The following PRRC2B variants were observed in gnomAD, a reference collection of about 807,000 sequenced individuals.
PRRC2B encodes the protein proline rich coiled-coil 2B.
PRRC2B carries 68 observed loss-of-function variants against 242.3 expected under a neutral mutation model. That is an observed-to-expected ratio of 0.28 (90% CI 0.23 to 0.34). PRRC2B has a LOEUF of 0.34. Ranked by LOEUF, PRRC2B falls within the 10% of genes least tolerant of loss-of-function variation. The pLI, the probability that PRRC2B is intolerant of heterozygous loss-of-function variation, is 1.00. For synonymous variants in PRRC2B, 1,228 were observed against 1,173.6 expected (o/e 1.05, Z -0.95); for missense variants, 2,835 against 2,954.8 (o/e 0.96, Z 0.94).
intron 19 of PRRC2B, 112 bp from the exon 20 acceptor site, chr9:131,481,614 G>C: frequency 1.2e-6 from 1 of 837,170 alleles, no homozygotes; most frequent in Non-Finnish European, 2.0e-6. Context: ...TGCAGGGGAG[G>C]CAGGGGAGTT....
At chr9:131,478,418 GTTC>G in intron 17 of PRRC2B, 53 bp from the exon 18 acceptor site, 1 of 1,568,056 alleles carries the variant, frequency 6.4e-7, no homozygotes, top group African/African-American at 1.4e-5. Flanking sequence ...GAATTGGGTT[GTTC>G]TTGTCTCCTG....
intron 16 of PRRC2B, among the ~76,000 whole-genome samples, chr9:131,477,478 C>T (rs141177705): frequency 1.3e-5 from 2 of 152,184 alleles, no homozygotes; most frequent in South Asian, 2.1e-4. Context: ...CTCTCTCCCC[C>T]CTACACTCTG....
intron 17 of PRRC2B, 31 bp from the exon 18 acceptor site, chr9:131,478,443 G>A (rs755045518): frequency 1.2e-6 from 2 of 1,609,454 alleles, no homozygotes; most frequent in East Asian, 2.2e-5. Flanking sequence ...TGAGTGGAAA[G>A]ACTGTTCCTT....
intron 1 of PRRC2B, among the ~76,000 whole-genome samples, chr9:131,401,165 T>A (rs971814393): frequency 2.6e-5 from 4 of 152,088 alleles, no homozygotes; most frequent in African/African-American, 9.7e-5. Context: ...TTTCTTTATT[T>A]GAATTTTAAA....
At chr9:131,396,267 C>T (rs1277834015) in intron 1 of PRRC2B, among the ~76,000 whole-genome samples, 1 of 151,026 alleles carries the variant, frequency 6.6e-6, no homozygotes, top group East Asian at 1.9e-4. Flanking sequence ...TTCCTCTCTC[C>T]CTCCCTCCCT....
chr9:131,374,498 A>G (rs1354994590), intron 1 of PRRC2B, among the ~76,000 whole-genome samples: 1 of 152,130 alleles, frequency 6.6e-6, no homozygotes, highest in Non-Finnish European at 1.5e-5. Context: ...TGTATAATGC[A>G]TATTGTAAAG....
At chr9:131,486,667 C>T (rs1202522584) in intron 26 of PRRC2B, 7 of 415,906 alleles carry the variant, frequency 1.7e-5, no homozygotes, top group Middle Eastern at 1.2e-3. Context: ...ATGGTCTAGC[C>T]GCCCCTCAGA....
chr9:131,426,367 GA>G lies in PRRC2B; in HGVS notation c.-51-3720del, dbSNP rs1236522899. Among the ~76,000 whole-genome samples, 36 of 139,688 alleles carry G rather than the reference GA, an allele frequency of 2.6e-4. No homozygotes were observed. In the South Asian group the frequency reaches 7.4e-3, roughly 29 times the overall value. The allele number at this position is 139,688 out of a possible 152,430, so 91.6% of individuals were successfully genotyped here. A position where few individuals can be genotyped will look rare whatever the true frequency, so the allele number is the denominator to read the frequency against. On this transcript the variant is annotated intron_variant, in intron 1 of 31. Coordinates refer to ENST00000683519, the MANE Select transcript of PRRC2B (RefSeq NM_013318.4). The stretch of plus-strand genomic sequence containing the variant: ...AAAAAAAAAAAAAAAAAAAGAAAAA[GA>G]AAAAAAGAAGAAGAAGAAAGGAAAA...
At position 131,432,728 on chromosome 9, in the gene PRRC2B, A is replaced by G. The variant is rs779196653; in HGVS notation, c.227A>G (p.Asn76Ser). 9 of 1,613,940 alleles carry G rather than the reference A, an allele frequency of 5.6e-6. No individual in the cohort carries two copies. The highest frequency in any genetic ancestry group is 5.3e-5 in the African/African-American group (4 of 74,940). Residue 76 changes from asparagine to serine, a missense_variant, in exon 3 of 32, where the codon AAC becomes AGC. By Grantham distance (46) the Asn-to-Ser change is conservative (BLOSUM62 1). Coordinates refer to ENST00000683519, the MANE Select transcript of PRRC2B (RefSeq NM_013318.4). ...LKSENKGNDP[N>S]IVIVPKDGTG... The stretch of plus-strand genomic sequence containing the variant: ...TCTGAAAACAAAGGAAACGACCCCA[A>G]CATCGTGATAGTACCCAAGGACGGG...
chr9:131,403,063 T>C (rs1837267700), intron 1 of PRRC2B, among the ~76,000 whole-genome samples: 1 of 152,200 alleles, frequency 6.6e-6, no homozygotes, highest in Admixed American at 6.5e-5. Context: ...ATGGGTCCTT[T>C]GTGTCTTGCA....
Position 131,470,835 on chromosome 9 carries a change from G to T in PRRC2B, c.1959G>T (p.Pro653=). The change falls in exon 14 of 32, where the codon CCG becomes CCT. Residue 653 remains proline (P), a synonymous_variant. Coordinates refer to ENST00000683519, the MANE Select transcript of PRRC2B (RefSeq NM_013318.4). ...MQHWQPVYPP[P]SHPQRTFYPH... ...ACTGGCAGCCGGTGTACCCCCCGCC[G>T]TCCCACCCCCAGCGCACCTTTTACC... 6.5e-7 allele frequency: 1 copy of T among 1,545,900 alleles called. No individual in the cohort carries two copies. The highest frequency in any genetic ancestry group is 2.4e-5 in the East Asian group (1 of 41,052).
intron 1 of PRRC2B, among the ~76,000 whole-genome samples, chr9:131,415,033 C>T (rs1212941990): frequency 6.6e-6 from 1 of 152,142 alleles, no homozygotes; most frequent in Non-Finnish European, 1.5e-5. Context: ...CACTCTGTTG[C>T]CCACGCCGGA....
chr9:131,420,228 A>G (rs779535760), intron 1 of PRRC2B, among the ~76,000 whole-genome samples: 2 of 151,916 alleles, frequency 1.3e-5, no homozygotes, highest in Non-Finnish European at 2.9e-5. Context: ...TGGTTTCCTC[A>G]AACCTTATTT....
At chr9:131,492,863 C>A (rs754566414) in intron 30 of PRRC2B, among the ~76,000 whole-genome samples, 1 of 152,172 alleles carries the variant, frequency 6.6e-6, no homozygotes, top group Non-Finnish European at 1.5e-5. Context: ...CTTTTCTGCC[C>A]GTGCTGGTGT....
At chr9:131,478,396 C>A in intron 17 of PRRC2B, 78 bp from the exon 18 acceptor site, 1 of 1,392,934 alleles carries the variant, frequency 7.2e-7, no homozygotes, top group Non-Finnish European at 1.0e-6. Context: ...TGCTAGATCT[C>A]AGGCGCCTGT....
At chr9:131,486,486 C>T (rs1944029105) in intron 26 of PRRC2B, 2 of 985,214 alleles carry the variant, frequency 2.0e-6, no homozygotes, top group African/African-American at 1.7e-5. Flanking sequence ...ATCAGGTATC[C>T]TTCTGATGAA....
At chr9:131,392,537 A>C (rs879244597), upstream of PRRC2B, among the ~76,000 whole-genome samples, 8 of 152,218 alleles carry the variant, frequency 5.3e-5, no homozygotes, top group Admixed American at 5.2e-4. Flanking sequence ...TCAAGGAACA[A>C]AATCGAAAAC....
In PRRC2B at chr9:131,474,762, A is replaced by G; in HGVS notation, c.2633A>G (p.Glu878Gly). ...AGTTGGGATGTTAGCCACCAGCCAG[A>G]GACCGCTGACACAGCCCATGGTGTT... ...CGSWDVSHQP[E>G]TADTAHGVER... The change falls in exon 16 of 32, where the codon GAG becomes GGG. Residue 878 changes from glutamate to glycine, a missense_variant. By Grantham distance (98) the Glu-to-Gly change is moderately conservative. This residue lies in a region of PRRC2B where 1,536 missense variants were observed against 1,483.1 expected (regional missense o/e 1.04). Coordinates refer to ENST00000683519, the MANE Select transcript of PRRC2B (RefSeq NM_013318.4). 6.2e-7 allele frequency: 1 copy of G among 1,612,820 alleles called. No individual in the cohort carries two copies. The highest frequency in any genetic ancestry group is 8.5e-7 in the Non-Finnish European group (1 of 1,179,674).
chr9:131,431,355 C>T (rs1461444176), intron 2 of PRRC2B, among the ~76,000 whole-genome samples: 2 of 151,808 alleles, frequency 1.3e-5, no homozygotes, highest in African/African-American at 4.8e-5. Flanking sequence ...CGGTCTTGAT[C>T]TCCTGACCTC....
Sources: gnomAD v4.1 joint callset for allele counts (sites outside exome capture counted in the v4.1 genomes callset) on GRCh38, gnomAD v4.1.1 for gene constraint, gnomAD v4.1.1 regional missense constraint, MANE v1.5 for transcripts, NCBI Gene and HGNC (gene_info 2026-07-23, HGNC 2026-07-21) for gene names.